DENND2B: variants seen among roughly 807,000 people sequenced by gnomAD.
The protein encoded by DENND2B is DENN domain containing 2B.
A neutral mutation model predicts 116.0 loss-of-function variants in DENND2B; 32 were observed. The ratio of observed to expected loss-of-function variants is 0.28; its 90% CI spans 0.21 to 0.37. The LOEUF (loss-of-function observed/expected upper bound fraction) is 0.37, where lower values mean the gene tolerates loss of function less well. Ranked by LOEUF, DENND2B falls within the 10% of genes least tolerant of loss-of-function variation. The pLI is 1.00. For synonymous variants in DENND2B, 588 were observed against 583.9 expected, an observed-to-expected ratio of 1.01 and a Z score of -0.10; for missense variants, 1,276 against 1,477.7, an observed-to-expected ratio of 0.86 and a Z score of 2.24.
Position 8,707,668 on chromosome 11 carries a change from C to T in DENND2B, c.2430+109G>A, listed in dbSNP as rs937733663. 2.8e-6 allele frequency: 3 copies of T among 1,054,324 alleles called. No individual in the cohort carries two copies. Among genetic ancestry groups the T allele is most frequent in the Non-Finnish European group, 4.2e-6 (3 of 720,658 alleles). The allele number at this position is 1,054,324 out of a possible 1,614,324, so 65.3% of individuals were successfully genotyped here. On this transcript the variant is annotated intron_variant, in intron 12 of 19. Coordinates refer to ENST00000313726, the MANE Select transcript of DENND2B (RefSeq NM_213618.2). This position sits in a 1 kb window ranked among gnomAD's most constrained non-coding sequence, Gnocchi z 4.8. ...TGGTACTTGTTCCTGCATTCTGTCT[C>T]CCGCTCGCTCACAGTCACAGGTGGT...
chr11:8,902,451 C>T (rs2064182548), intron 1 of DENND2B, among the ~76,000 whole-genome samples: 1 of 152,132 alleles, frequency 6.6e-6, no homozygotes, highest in Admixed American at 6.5e-5. Flanking sequence ...GGGTCATGTA[C>T]ATTTGCAAGT....
chr11:8,898,889 G>T (rs967275626), intron 1 of DENND2B, among the ~76,000 whole-genome samples: 1 of 152,116 alleles, frequency 6.6e-6, no homozygotes, highest in African/African-American at 2.4e-5. Context: ...TTCTGTAGGG[G>T]CCCAAATGTT....
At chr11:8,836,840 C>T (rs1286588219) in intron 4 of DENND2B, among the ~76,000 whole-genome samples, 2 of 152,090 alleles carry the variant, frequency 1.3e-5, no homozygotes, top group African/African-American at 2.4e-5. Flanking sequence ...TTCAGCCTCC[C>T]GAGTGGATGG....
At chr11:8,735,524 A>G (rs1339196376) in intron 2 of DENND2B, among the ~76,000 whole-genome samples, 1 of 152,274 alleles carries the variant, frequency 6.6e-6, no homozygotes, top group Non-Finnish European at 1.5e-5. Flanking sequence ...GGGAAAGGCC[A>G]CGCCTGCGTA....
At chr11:8,748,204 G>T (rs1457496560) in intron 2 of DENND2B, among the ~76,000 whole-genome samples, 4 of 152,160 alleles carry the variant, frequency 2.6e-5, no homozygotes, top group African/African-American at 9.7e-5. Flanking sequence ...ACACCGAGGA[G>T]TCTCCTCCTT....
At chr11:8,903,349 G>A (rs1029695606) in intron 1 of DENND2B, among the ~76,000 whole-genome samples, 3 of 151,676 alleles carry the variant, frequency 2.0e-5, no homozygotes, top group Non-Finnish European at 2.9e-5. Flanking sequence ...CCTGGGAGGC[G>A]GAGATTGTAG....
At chr11:8,734,955 A>C (rs1211513920) in intron 2 of DENND2B, among the ~76,000 whole-genome samples, 1 of 140,088 alleles carries the variant, frequency 7.1e-6, no homozygotes, top group Non-Finnish European at 1.6e-5. Flanking sequence ...ATCACCTGGG[A>C]AATTTGGTCA....
intron 1 of DENND2B, among the ~76,000 whole-genome samples, chr11:8,805,659 GAT>G: frequency 6.6e-6 from 1 of 152,284 alleles, no homozygotes; most frequent in Non-Finnish European, 1.5e-5. Context: ...AAGAGCATGA[GAT>G]GGTCATTAAC....
chr11:8,734,531 T>C (rs2048643765), intron 2 of DENND2B, among the ~76,000 whole-genome samples: 1 of 152,166 alleles, frequency 6.6e-6, no homozygotes, highest in Non-Finnish European at 1.5e-5. Flanking sequence ...CTCACGCCTG[T>C]AATCCCGGCA....
chr11:8,715,552 G>A (rs1247580667), intron 6 of DENND2B, 51 bp downstream of exon 6: 2 of 1,581,162 alleles, frequency 1.3e-6, no homozygotes, highest in Non-Finnish European at 1.7e-6. Context: ...AAGGCTGGCT[G>A]CCTGCCCGCC....
intron 1 of DENND2B, among the ~76,000 whole-genome samples, chr11:8,766,479 G>A (rs1218699269): frequency 6.6e-6 from 1 of 152,184 alleles, no homozygotes; most frequent in African/African-American, 2.4e-5. Context: ...GCCAGCAGGG[G>A]TCTTCCACAC....
intron 4 of DENND2B, among the ~76,000 whole-genome samples, chr11:8,826,381 T>A (rs1233642688): frequency 6.6e-6 from 1 of 152,226 alleles, no homozygotes; most frequent in Non-Finnish European, 1.5e-5. Context: ...TTCTTGTGGA[T>A]CTTTAACCTC....
At chr11:8,896,429 T>C (rs72632952) in intron 1 of DENND2B, among the ~76,000 whole-genome samples, 29,464 of 152,098 alleles carry the variant, frequency 0.19, 2,969 homozygotes, top group East Asian at 0.31. Context: ...AACTGCTGGA[T>C]CTGTCGGGAA....
chr11:8,864,515 C>T (rs1394182398), intron 2 of DENND2B, among the ~76,000 whole-genome samples: 1 of 152,158 alleles, frequency 6.6e-6, no homozygotes, highest in Non-Finnish European at 1.5e-5. Context: ...AGCAATCCTC[C>T]CAATTTGGCC....
At position 8,696,569 on chromosome 11, in the gene DENND2B, C is replaced by T. The variant is rs372611807; in HGVS notation, c.3150G>A (p.Lys1050=). The T allele has an allele frequency of 3.3e-5, 53 of 1,614,102 alleles. No individual in the cohort carries two copies. The highest frequency in any genetic ancestry group is 4.3e-5 in the Non-Finnish European group (51 of 1,180,060). The change falls in exon 18 of 20, where the codon AAG becomes AAA. Residue 1050 remains lysine (K), a synonymous_variant. Transcript: ENST00000313726. ...HYSLFLTQSE[K]GERAFQREAF... ...CCTCTCGCTGAAAGGCCCTCTCTCC[C>T]TTCTCACTCTGTGTCAGAAAGAGGG...
chr11:8,698,204 A>T (rs1423513165), intron 16 of DENND2B, among the ~76,000 whole-genome samples: 2 of 145,234 alleles, frequency 1.4e-5, no homozygotes, highest in African/African-American at 5.0e-5. Flanking sequence ...GGCCTCTGTG[A>T]CCAGGACCAG....
chr11:8,870,454 A>G (rs2063738057), intron 2 of DENND2B, among the ~76,000 whole-genome samples: 1 of 152,118 alleles, frequency 6.6e-6, no homozygotes, highest in African/African-American at 2.4e-5. Context: ...AATAGCATGC[A>G]AAGTTAATTT....
chr11:8,718,688 G>C (rs542471965), intron 4 of DENND2B: 15 of 1,193,822 alleles, frequency 1.3e-5, no homozygotes, highest in Non-Finnish European at 1.4e-5. Flanking sequence ...AAAGGGTGGG[G>C]GTGAGGGGAG....
intron 1 of DENND2B, among the ~76,000 whole-genome samples, chr11:8,882,266 T>C (rs2063911589): frequency 6.6e-6 from 1 of 152,214 alleles, no homozygotes. Flanking sequence ...GAAAATATTA[T>C]GAAAGGTAAC....
Sources: gnomAD v4.1 joint callset for allele counts (sites outside exome capture counted in the v4.1 genomes callset) on GRCh38, gnomAD v4.1.1 for gene constraint, Gnocchi (gnomAD v3.1) non-coding constraint, MANE v1.5 for transcripts, NCBI Gene and HGNC (gene_info 2026-07-23, HGNC 2026-07-21) for gene names.